Variants in KIF3B observed in about 807,000 individuals in gnomAD.
The protein encoded by KIF3B is kinesin family member 3B.
In KIF3B, 38 loss-of-function variants were observed where a neutral mutation model predicts 74.3. The observed-to-expected ratio is 0.51, with a 90% CI of 0.39 to 0.67. The LOEUF (loss-of-function observed/expected upper bound fraction) is 0.67. Among genes scored for constraint, KIF3B ranks in the 30% least tolerant of loss-of-function variants. The pLI is 0.00. For missense variants in KIF3B, 649 were observed against 932.0 expected, an observed-to-expected ratio of 0.70 and a Z score of 3.95; for synonymous variants, 326 against 342.5, an observed-to-expected ratio of 0.95 and a Z score of 0.53.
At chr20:32,308,749 G>A (rs1446950473) in intron 1 of KIF3B, among the ~76,000 whole-genome samples, 26 of 143,014 alleles carry the variant, frequency 1.8e-4, no homozygotes, top group Non-Finnish European at 3.5e-4. Flanking sequence ...TTTTTGAGAC[G>A]GAGTCTCGCT....
rs750625928 is a variant in KIF3B at position 32,316,268 on chromosome 20, G to C, written c.1455G>C (p.Thr485=). 4 of 1,613,634 alleles carry C rather than the reference G, an allele frequency of 2.5e-6. No individual in the cohort carries two copies. Among genetic ancestry groups the C allele is most frequent in the Non-Finnish European group, 3.4e-6 (4 of 1,179,630 alleles). Residue 485 remains threonine, a synonymous_variant, in exon 3 of 9, where the codon ACG becomes ACC. Coordinates refer to ENST00000375712, the MANE Select transcript of KIF3B (RefSeq NM_004798.4). ...LVGGKNIVDH[T]NEQQKILEQK... Reference sequence around the variant, plus strand: ...GAGGAAAAAATATAGTAGATCATACGAATGAACAGCAGAAAATCCTGGAGC... The same window carrying C: ...GAGGAAAAAATATAGTAGATCATACCAATGAACAGCAGAAAATCCTGGAGC...
chr20:32,281,378 G>A (rs1462377500), intron 1 of KIF3B, among the ~76,000 whole-genome samples: 6 of 152,166 alleles, frequency 3.9e-5, no homozygotes, highest in Admixed American at 3.9e-4. Flanking sequence ...AGTATTTCCT[G>A]AGCACCTAGA....
chr20:32,317,930 C>T (rs2122702160), intron 5 of KIF3B, among the ~76,000 whole-genome samples: 1 of 152,256 alleles, frequency 6.6e-6, no homozygotes, highest in African/African-American at 2.4e-5. Context: ...TGTGAGCCAC[C>T]ACACCCAGCC....
intron 5 of KIF3B, among the ~76,000 whole-genome samples, chr20:32,318,080 T>A (rs1297377204): frequency 2.6e-5 from 4 of 152,092 alleles, no homozygotes; most frequent in Non-Finnish European, 5.9e-5. Flanking sequence ...GGCAGGTGGA[T>A]CACCTGAGGC....
chr20:32,327,228 A>C (rs976139786), intron 6 of KIF3B, among the ~76,000 whole-genome samples: 7 of 152,140 alleles, frequency 4.6e-5, no homozygotes, highest in African/African-American at 1.4e-4. Flanking sequence ...TCTGACCCAC[A>C]GTGTTGAGAA....
chr20:32,324,781 C>T (rs888240044), intron 5 of KIF3B, among the ~76,000 whole-genome samples: 3 of 152,116 alleles, frequency 2.0e-5, no homozygotes, highest in African/African-American at 7.2e-5. Flanking sequence ...ATAATCCCAG[C>T]ACTTTTGGAG....
intron 1 of KIF3B, among the ~76,000 whole-genome samples, chr20:32,303,265 A>T (rs2047752857): frequency 6.6e-6 from 1 of 152,168 alleles, no homozygotes; most frequent in African/African-American, 2.4e-5. Flanking sequence ...CAAACTGAAC[A>T]ATAGAAATGT....
chr20:32,285,253 C>G (rs1370684713), intron 1 of KIF3B, among the ~76,000 whole-genome samples: 1 of 152,192 alleles, frequency 6.6e-6, no homozygotes, highest in Non-Finnish European at 1.5e-5. Flanking sequence ...TCTTAGTGAT[C>G]TAACTTCAGG....
rs1029526459 is a variant in KIF3B, at chr20:32,310,995, A to G, written c.1218A>G (p.Glu406=). The G allele has an allele frequency of 6.8e-6, 11 of 1,613,356 alleles. No individual in the cohort carries two copies. Among genetic ancestry groups the G allele is most frequent in the Non-Finnish European group, 9.3e-6 (11 of 1,179,698 alleles). ...EEEEGEEGEE[E]GDDKDDYWRE... ...AGGAGGGAGAAGAGGGTGAGGAGGA[A>G]GGGGATGATAAGGATGATTACTGGC... Residue 406 remains glutamate (E), a synonymous_variant, in exon 2 of 9, where the codon GAA becomes GAG. Transcript: ENST00000375712. This position sits in a 1 kb window ranked among gnomAD's most constrained non-coding sequence, Gnocchi z 6.5.
rs1485931465 is a variant in KIF3B, at chr20:32,302,970, T to G, written c.-65-6743T>G. 2.6e-5 allele frequency among the ~76,000 whole-genome samples: 4 copies of G among 152,200 alleles called. No individual in the cohort carries two copies. The East Asian group carries it at 7.7e-4, about 29-fold the overall frequency. ...GTGGCCCAACACAAATTTGTAAACT[T>G]TCTTTAAACATTATGAGATTTTTTT... On this transcript the variant is annotated intron_variant, in intron 1 of 8. Coordinates refer to ENST00000375712, the MANE Select transcript of KIF3B (RefSeq NM_004798.4).
intron 1 of KIF3B, among the ~76,000 whole-genome samples, chr20:32,294,314 A>G (rs1383728979): frequency 6.6e-6 from 1 of 152,168 alleles, no homozygotes; most frequent in Non-Finnish European, 1.5e-5. Flanking sequence ...GCAGGCATTT[A>G]TTGTCCTTGT....
rs1263964242 is a variant in KIF3B, at chr20:32,311,038, C to T, written c.1261C>T (p.Leu421=). The change falls in exon 2 of 9, where the codon CTG becomes TTG. Residue 421 remains leucine (L), a synonymous_variant. Transcript: ENST00000375712. ...DDYWREQQEK[L]EIEKRAIVED... Reference sequence around the variant, plus strand: ...TTACTGGCGGGAACAGCAAGAAAAACTGGAGATTGAGAAGCGGGCCATTGT... The same window carrying T: ...TTACTGGCGGGAACAGCAAGAAAAATTGGAGATTGAGAAGCGGGCCATTGT... 2 of 1,612,254 alleles carry T rather than the reference C, an allele frequency of 1.2e-6. No individual in the cohort carries two copies. Among genetic ancestry groups the T allele is most frequent in the Non-Finnish European group, 1.7e-6 (2 of 1,179,300 alleles).
In KIF3B at chr20:32,316,324, CTT is replaced by C; in HGVS notation, c.1506+8_1506+9del. The C allele has an allele frequency of 1.2e-6, 2 of 1,601,720 alleles. No homozygotes were observed. Among genetic ancestry groups the C allele is most frequent in the Non-Finnish European group, 1.7e-6 (2 of 1,168,742 alleles). On this transcript the variant is annotated splice_donor_region_variant and intron_variant, in intron 3 of 8. Coordinates refer to ENST00000375712, the MANE Select transcript of KIF3B (RefSeq NM_004798.4). ...CGACAGGAAATTGCAGAGCAGGTAA[CTT>C]TTCATTCTTTTTCAGGGAGAATGGG...
intron 8 of KIF3B, 151 bp from the exon 9 acceptor site, chr20:32,331,072 G>A (rs1268076705): frequency 1.5e-6 from 1 of 670,520 alleles, no homozygotes; most frequent in Non-Finnish European, 2.6e-6. Flanking sequence ...CATCCCCAAA[G>A]GTTCAGGCTG....
intron 7 of KIF3B, among the ~76,000 whole-genome samples, chr20:32,329,444 G>A (rs139988120): frequency 2.1e-4 from 31 of 150,288 alleles, no homozygotes; most frequent in African/African-American, 6.4e-4. Context: ...CAGACTCCTC[G>A]GCTCAAGTGA....
At chr20:32,320,520 GT>G (rs779283206) in intron 5 of KIF3B, among the ~76,000 whole-genome samples, 6,093 of 135,262 alleles carry the variant, frequency 0.045, 428 homozygotes, top group African/African-American at 0.15. Context: ...TGTTTTGTTA[GT>G]TTTTTTTTTT....
chr20:32,322,681 T>C lies in KIF3B; in HGVS notation c.1749-4090T>C, dbSNP rs2047868755. Among the ~76,000 whole-genome samples, 2 of 45,644 alleles carry C rather than the reference T, an allele frequency of 4.4e-5. 1 individual carries two copies. The highest frequency in any genetic ancestry group is 9.8e-4 in the South Asian group (2 of 2,044). The allele number at this position is 45,644 out of a possible 152,430, so 29.9% of individuals were successfully genotyped here. A position where few individuals can be genotyped will look rare whatever the true frequency, so the allele number is the denominator to read the frequency against. Reference sequence around the variant, plus strand: ...ATATTTATATATATATTTATATATTTATATATATTTATATATATTTATATA... The same window carrying C: ...ATATTTATATATATATTTATATATTCATATATATTTATATATATTTATATA... On this transcript the variant is annotated intron_variant, in intron 5 of 8. Transcript: ENST00000375712.
intron 1 of KIF3B, among the ~76,000 whole-genome samples, chr20:32,286,776 AT>A (rs2047669050): frequency 6.6e-6 from 1 of 152,114 alleles, no homozygotes; most frequent in South Asian, 2.1e-4. Flanking sequence ...CATTGTTGTT[AT>A]TTAGGCCATT....
intron 1 of KIF3B, among the ~76,000 whole-genome samples, chr20:32,304,388 T>C (rs571704925): frequency 6.6e-6 from 1 of 152,356 alleles, no homozygotes; most frequent in African/African-American, 2.4e-5. Context: ...GCTGTCATTG[T>C]TCTGCATATT....
Sources: allele counts gnomAD v4.1 joint callset (sites outside exome capture counted in the v4.1 genomes callset), GRCh38; gene constraint gnomAD v4.1.1; non-coding constraint Gnocchi (gnomAD v3.1); transcripts MANE v1.5; gene names NCBI Gene and HGNC (gene_info 2026-07-23, HGNC 2026-07-21).